CDYL: variants seen among roughly 807,000 people sequenced by gnomAD.
CDYL encodes the protein chromodomain Y-like protein.
A neutral mutation model predicts 47.3 loss-of-function variants in CDYL; 8 were observed. The observed-to-expected ratio is 0.17, with a 90% CI of 0.10 to 0.31. CDYL has a LOEUF of 0.31. Ranked by LOEUF, CDYL falls within the 10% of genes least tolerant of loss-of-function variation. The pLI is 1.00. For synonymous variants in CDYL, 266 were observed against 265.0 expected (o/e 1.00, Z -0.04); for missense variants, 471 against 701.4 (o/e 0.67, Z 3.71).
chr6:4,749,251 G>A (rs920271539), intron 3 of CDYL, among the ~76,000 whole-genome samples: 1 of 152,184 alleles, frequency 6.6e-6, no homozygotes, highest in African/African-American at 2.4e-5. Flanking sequence ...CCCAGAGCCT[G>A]GCACAAAAGT....
At chr6:4,857,171 C>T (rs1352182743) in intron 1 of CDYL, among the ~76,000 whole-genome samples, 3 of 152,096 alleles carry the variant, frequency 2.0e-5, no homozygotes, top group Non-Finnish European at 4.4e-5. Flanking sequence ...ACAAAGTTTG[C>T]CATTTTAACC....
At chr6:4,786,295 C>T (rs1275217431) in intron 1 of CDYL, among the ~76,000 whole-genome samples, 1 of 152,130 alleles carries the variant, frequency 6.6e-6, no homozygotes, top group African/African-American at 2.4e-5. Flanking sequence ...AACATATTTA[C>T]CAAGGAGCTC....
At chr6:4,874,568 C>T (rs1013407216) in intron 1 of CDYL, among the ~76,000 whole-genome samples, 1 of 152,180 alleles carries the variant, frequency 6.6e-6, no homozygotes, top group Admixed American at 6.5e-5. Flanking sequence ...CTCCTTTCTG[C>T]TAGGTGCGTT....
chr6:4,776,961 G>T (rs994924535), intron 1 of CDYL, among the ~76,000 whole-genome samples, 154 bp downstream of exon 1: 1 of 149,672 alleles, frequency 6.7e-6, no homozygotes, highest in Non-Finnish European at 1.5e-5. Flanking sequence ...TGTGTGAGGG[G>T]AGCCCGAGCC....
At chr6:4,716,269 C>G (rs1466989621) in intron 2 of CDYL, among the ~76,000 whole-genome samples, 1 of 151,568 alleles carries the variant, frequency 6.6e-6, no homozygotes, top group African/African-American at 2.4e-5. Context: ...AAAGACTTTA[C>G]CAATATGTAG....
chr6:4,927,702 G>A (rs1373582320), intron 2 of CDYL, among the ~76,000 whole-genome samples: 1 of 152,146 alleles, frequency 6.6e-6, no homozygotes, highest in Non-Finnish European at 1.5e-5. Context: ...TTCCAGGCGT[G>A]AGCCAACACA....
At chr6:4,756,573 C>T (rs1311673168) in intron 3 of CDYL, among the ~76,000 whole-genome samples, 3 of 125,236 alleles carry the variant, frequency 2.4e-5, no homozygotes, top group Admixed American at 1.5e-4. Flanking sequence ...TTAAAATTAT[C>T]GTGTGTATGT....
chr6:4,706,143 C>A (rs1202333058), upstream of CDYL: 1 of 152,170 alleles, frequency 6.6e-6, no homozygotes, highest in Non-Finnish European at 1.5e-5. Flanking sequence ...AGTTCAGTGA[C>A]CCCTTTGTTC....
intron 3 of CDYL, among the ~76,000 whole-genome samples, chr6:4,745,347 T>C (rs1757870462): frequency 6.6e-6 from 1 of 152,186 alleles, no homozygotes; most frequent in African/African-American, 2.4e-5. Flanking sequence ...GAGGTTGGCA[T>C]TTAGGAAAAT....
At chr6:4,903,991 A>G (rs749825466) in intron 2 of CDYL, among the ~76,000 whole-genome samples, 1 of 152,200 alleles carries the variant, frequency 6.6e-6, no homozygotes, top group Non-Finnish European at 1.5e-5. Flanking sequence ...CCTGACTTCC[A>G]GGAGCTCAGA....
At chr6:4,872,372 G>A (rs1379748664) in intron 1 of CDYL, among the ~76,000 whole-genome samples, 1 of 144,154 alleles carries the variant, frequency 6.9e-6, no homozygotes, top group South Asian at 2.2e-4. Context: ...AAGCGAACAC[G>A]TTGGCAGAGT....
intron 1 of CDYL, among the ~76,000 whole-genome samples, chr6:4,835,094 C>T (rs1760259113): frequency 6.6e-6 from 1 of 152,200 alleles, no homozygotes; most frequent in Admixed American, 6.5e-5. Context: ...CTCCGTCCAG[C>T]TTTGTTCCAT....
At chr6:4,846,686 T>C (rs942788451) in intron 1 of CDYL, among the ~76,000 whole-genome samples, 2 of 151,714 alleles carry the variant, frequency 1.3e-5, no homozygotes, top group East Asian at 3.8e-4. Flanking sequence ...GATGAGATGG[T>C]GACAGAAGCA....
chr6:4,716,171 C>T (rs558779558), intron 2 of CDYL, among the ~76,000 whole-genome samples: 39 of 151,844 alleles, frequency 2.6e-4, no homozygotes, highest in Admixed American at 1.9e-3. Flanking sequence ...TGGCGTGAAC[C>T]CGGGAGGCGG....
At chr6:4,940,245 T>G (rs1050296349) in intron 4 of CDYL, among the ~76,000 whole-genome samples, 6 of 152,276 alleles carry the variant, frequency 3.9e-5, no homozygotes, top group African/African-American at 1.2e-4. Flanking sequence ...GAAAACCAAC[T>G]TGTTTCTTCT....
intron 1 of CDYL, among the ~76,000 whole-genome samples, chr6:4,847,772 C>T (rs1760706534): frequency 6.6e-6 from 1 of 152,298 alleles, no homozygotes; most frequent in Admixed American, 6.5e-5. Context: ...CTTCTGCTGT[C>T]TTTTGAATTA....
chr6:4,790,579 G>C (rs1758891640), intron 1 of CDYL, among the ~76,000 whole-genome samples: 1 of 152,156 alleles, frequency 6.6e-6, no homozygotes, highest in Non-Finnish European at 1.5e-5. Flanking sequence ...AGAACACAGA[G>C]CAGACTTGAC....
intron 4 of CDYL, among the ~76,000 whole-genome samples, chr6:4,942,804 C>T (rs1183362935): frequency 1.3e-5 from 2 of 152,228 alleles, no homozygotes; most frequent in Non-Finnish European, 2.9e-5. Context: ...GGCTGCCCCA[C>T]GCCTGACCCC....
At chr6:4,721,819 A>C (rs2127410061) in intron 2 of CDYL, among the ~76,000 whole-genome samples, 1 of 152,210 alleles carries the variant, frequency 6.6e-6, no homozygotes, top group Middle Eastern at 3.4e-3. Flanking sequence ...AATTTACCTG[A>C]ATAGTTTCAG....
Sources: allele counts gnomAD v4.1 joint callset (sites outside exome capture counted in the v4.1 genomes callset), GRCh38; gene constraint gnomAD v4.1.1; transcripts MANE v1.5; gene names NCBI Gene and HGNC (gene_info 2026-07-23, HGNC 2026-07-21).